Variants in CRYL1 observed in about 807,000 individuals in gnomAD.
The protein encoded by CRYL1 is lambda-crystallin homolog.
CRYL1 carries 29 observed loss-of-function variants against 36.6 expected under a neutral mutation model. That is an observed-to-expected ratio of 0.79 (90% CI 0.59 to 1.08). The LOEUF is 1.08. Ranked by LOEUF, CRYL1 falls within the 50% of genes least tolerant of loss-of-function variation. The pLI, the probability that CRYL1 is intolerant of heterozygous loss-of-function variation, is 0.00. For synonymous variants in CRYL1, 152 were observed against 151.5 expected (o/e 1.00, Z -0.02); for missense variants, 411 against 407.9 (o/e 1.01, Z -0.06).
chr13:20,510,988 A>C (rs2033905536), intron 2 of CRYL1, among the ~76,000 whole-genome samples: 1 of 152,174 alleles, frequency 6.6e-6, no homozygotes, highest in Admixed American at 6.5e-5. Flanking sequence ...TTGGTTCTGA[A>C]ATGCCAAGTC....
intron 5 of CRYL1, among the ~76,000 whole-genome samples, chr13:20,429,684 G>A (rs2137386430): frequency 6.6e-6 from 1 of 152,260 alleles, no homozygotes; most frequent in South Asian, 2.1e-4. Flanking sequence ...AGAGTCTTAT[G>A]GAATACAGGG....
intron 5 of CRYL1, chr13:20,430,550 C>T: frequency 1.0e-6 from 1 of 985,372 alleles, no homozygotes; most frequent in Non-Finnish European, 1.2e-6. Flanking sequence ...CCAACTCACC[C>T]CTCCGCCTGC....
intron 6 of CRYL1, among the ~76,000 whole-genome samples, chr13:20,412,229 A>G (rs2031541991): frequency 6.6e-6 from 1 of 151,810 alleles, no homozygotes; most frequent in Admixed American, 6.6e-5. Context: ...TCTGCTTGCC[A>G]TTTCCAGTCT....
At chr13:20,446,754 A>C (rs2032464781) in intron 3 of CRYL1, among the ~76,000 whole-genome samples, 1 of 152,176 alleles carries the variant, frequency 6.6e-6, no homozygotes, top group African/African-American at 2.4e-5. Context: ...CAATTTTGTT[A>C]ATCTCGAGGC....
chr13:20,486,654 T>C (rs182867721), intron 3 of CRYL1, among the ~76,000 whole-genome samples: 26 of 152,316 alleles, frequency 1.7e-4, no homozygotes, highest in African/African-American at 6.3e-4. Flanking sequence ...CTTTCTCTAG[T>C]TTCCTCTCCT....
intron 4 of CRYL1, among the ~76,000 whole-genome samples, chr13:20,432,819 A>T (rs146408707): frequency 0.016 from 2,374 of 152,250 alleles, 24 homozygotes; most frequent in Non-Finnish European, 0.025. Context: ...GGAGTTCAAG[A>T]CCAGCCTAGG....
chr13:20,491,835 T>G (rs1289235572), intron 2 of CRYL1, among the ~76,000 whole-genome samples: 1 of 152,130 alleles, frequency 6.6e-6, no homozygotes, highest in Non-Finnish European at 1.5e-5. Context: ...GTGAAAAATA[T>G]ACAAAACCAA....
Position 20,415,038 on chromosome 13 carries a change from T to C in CRYL1, c.634-1651A>G, listed in dbSNP as rs1445614554. ...CCTGCGAGAGCCCGACCGTGGACGA[T>C]GCGTCGCGCCCTTCCCATCGCGGCC... is the stretch of plus-strand genomic sequence containing the variant. On this transcript the variant is annotated intron_variant, in intron 5 of 7. Coordinates refer to ENST00000298248, the MANE Select transcript of CRYL1 (RefSeq NM_015974.3). This position sits in a 1 kb window ranked among gnomAD's most constrained non-coding sequence, Gnocchi z 4.1. Among the ~76,000 whole-genome samples the C allele has an allele frequency of 1.3e-5, 2 of 152,028 alleles. No homozygotes were observed. The highest frequency in any genetic ancestry group is 2.9e-5 in the Non-Finnish European group (2 of 67,970).
At chr13:20,420,701 T>TTTTTTTTTTTTTTTTGTGTGTG in intron 5 of CRYL1, among the ~76,000 whole-genome samples, 2 of 21,840 alleles carry the variant, frequency 9.2e-5, no homozygotes, top group South Asian at 3.2e-3. Context: ...AAAATAGAGG[T>TTTTTTTTTTTTTTTTGTGTGTG]TGTGTGTGTG....
At chr13:20,451,932 TG>T (rs1346658766) in intron 3 of CRYL1, among the ~76,000 whole-genome samples, 1 of 152,094 alleles carries the variant, frequency 6.6e-6, no homozygotes, top group Non-Finnish European at 1.5e-5. Context: ...ATATAGCCCA[TG>T]GAGGACTACG....
chr13:20,507,867 A>G (rs537211270), intron 2 of CRYL1, among the ~76,000 whole-genome samples: 94 of 151,828 alleles, frequency 6.2e-4, no homozygotes, highest in East Asian at 1.5e-3. Flanking sequence ...GCAGTGAGCC[A>G]AGATCGAGCC....
intron 2 of CRYL1, among the ~76,000 whole-genome samples, chr13:20,507,772 G>A (rs559677758): frequency 7.9e-4 from 120 of 152,040 alleles, no homozygotes; most frequent in African/African-American, 2.8e-3. Context: ...TAAAAAATTA[G>A]CTGGGCGTGG....
chr13:20,525,772 C>A lies in CRYL1; in HGVS notation c.23G>T (p.Cys8Phe). The A allele has an allele frequency of 7.7e-7, 1 of 1,296,718 alleles. No homozygotes were observed. Among genetic ancestry groups the A allele is most frequent in the South Asian group, 2.4e-5 (1 of 41,810 alleles). 80.3% of individuals were successfully genotyped at this position (1,296,718 alleles called of 1,614,324 possible). A position where few individuals can be genotyped will look rare whatever the true frequency, so the allele number is the denominator to read the frequency against. MASSAAG[C>F]VVIVGSGVIG... ...CCTTTACCTGCCAACGATCACCACG[C>A]AGCCGGCCGCGGAGGACGCCATGGT... The change falls in exon 1 of 8, where the codon TGC (cysteine) becomes TTC (phenylalanine). Residue 8 changes from cysteine (C) to phenylalanine (F), a missense_variant. Cys to Phe is a radical substitution (Grantham distance 205). Coordinates refer to ENST00000298248, the MANE Select transcript of CRYL1 (RefSeq NM_015974.3). This position sits in a 1 kb window ranked among gnomAD's most constrained non-coding sequence, Gnocchi z 4.3.
intron 3 of CRYL1, among the ~76,000 whole-genome samples, chr13:20,444,521 T>C (rs1383827915): frequency 1.3e-5 from 2 of 152,216 alleles, no homozygotes; most frequent in African/African-American, 4.8e-5. Flanking sequence ...CAGGCATCGG[T>C]TGCTGTCCTG....
chr13:20,422,286 G>C (rs2031836746), intron 5 of CRYL1, among the ~76,000 whole-genome samples: 1 of 151,620 alleles, frequency 6.6e-6, no homozygotes, highest in African/African-American at 2.4e-5. Flanking sequence ...TTTGAACCTG[G>C]GAGATGGAGA....
In CRYL1 at chr13:20,415,288, C is replaced by T. The variant is rs967880386; in HGVS notation, c.634-1901G>A. The stretch of plus-strand genomic sequence containing the variant: ...TCTGCCCTGCTGCGAGCCTGGGGCG[C>T]CTGGGCCTGGCCTCGAGGTTCCTGG... On this transcript the variant is annotated intron_variant, in intron 5 of 7. Transcript: ENST00000298248. The surrounding 1 kb of genome is among the most constrained non-coding windows in gnomAD (Gnocchi z 4.1). 1.3e-5 allele frequency among the ~76,000 whole-genome samples: 2 copies of T among 152,088 alleles called. No homozygotes were observed. Among genetic ancestry groups the T allele is most frequent in the Admixed American group, 1.3e-4 (2 of 15,284 alleles).
chr13:20,444,677 T>C (rs2032418538), intron 3 of CRYL1, among the ~76,000 whole-genome samples: 1 of 152,264 alleles, frequency 6.6e-6, no homozygotes. Flanking sequence ...ATAGTTTTAC[T>C]GCATTTCTAG....
chr13:20,499,489 A>C (rs1484024719), intron 2 of CRYL1, among the ~76,000 whole-genome samples: 2 of 30,520 alleles, frequency 6.6e-5, no homozygotes, highest in Non-Finnish European at 1.1e-3. Flanking sequence ...TCTACTAAAA[A>C]AATGAAAAAA....
At chr13:20,463,694 TATC>T (rs1240417668) in intron 3 of CRYL1, among the ~76,000 whole-genome samples, 2 of 152,238 alleles carry the variant, frequency 1.3e-5, no homozygotes, top group Admixed American at 6.5e-5. Flanking sequence ...AACCATGACC[TATC>T]ATTTCACATT....
Sources: gnomAD v4.1 joint callset for allele counts (sites outside exome capture counted in the v4.1 genomes callset) on GRCh38, gnomAD v4.1.1 for gene constraint, Gnocchi (gnomAD v3.1) non-coding constraint, MANE v1.5 for transcripts, NCBI Gene and HGNC (gene_info 2026-07-23, HGNC 2026-07-21) for gene names.